Variants in ADAM15 observed in about 807,000 individuals in gnomAD.
ADAM15 encodes ADAM metallopeptidase domain 15, also known as disintegrin and metalloproteinase domain-containing protein 15.
In ADAM15, 77 loss-of-function variants were observed where a neutral mutation model predicts 113.8. That is an observed-to-expected ratio of 0.68 (90% CI 0.56 to 0.82). The LOEUF (loss-of-function observed/expected upper bound fraction) is 0.82. ADAM15 is among the 40% of genes least tolerant of loss of function. The pLI is 0.00. For synonymous variants in ADAM15, 388 were observed against 454.1 expected (o/e 0.85, Z 1.85); for missense variants, 963 against 1,120.1 (o/e 0.86, Z 2.00).
chr1:155,058,707 C>T lies in ADAM15; in HGVS notation c.1918-3C>T. 6.2e-7 allele frequency: 1 copy of T among 1,613,218 alleles called. No homozygotes were observed. The highest frequency in any genetic ancestry group is 2.2e-5 in the East Asian group (1 of 44,840). On this transcript the variant is annotated splice_region_variant and splice_polypyrimidine_tract_variant and intron_variant, in intron 15 of 22. Transcript: ENST00000356955. The surrounding 1 kb of genome is among the most constrained non-coding windows in gnomAD (Gnocchi z 4.3). ...GATCCAGGCTCTTCTCTCCCTGGGT[C>T]AGGTGTGTATAGACCATCGATGCCA...
rs375096214 is a variant in ADAM15, at chr1:155,057,170, C to T, written c.1149-18C>T. ...GGGAGAGGCCCCCAGCCCCAACCTT[C>T]CTTGCCACCCTCCCCAGCTTCCTAC... On this transcript the variant is annotated intron_variant, in intron 11 of 22. Coordinates refer to ENST00000356955, the MANE Select transcript of ADAM15 (RefSeq NM_207197.3). This position sits in a 1 kb window ranked among gnomAD's most constrained non-coding sequence, Gnocchi z 5.0. 2.5e-6 allele frequency: 4 copies of T among 1,603,960 alleles called. No individual in the cohort carries two copies. In the African/African-American group the frequency reaches 5.4e-5, roughly 21 times the overall value.
Position 155,056,174 on chromosome 1 carries a change from C to G in ADAM15, c.839C>G (p.Thr280Ser). The change falls in exon 9 of 23, where the codon ACC becomes AGC. Residue 280 changes from threonine (T) to serine (S), a missense_variant. By Grantham distance (58) the Thr-to-Ser change is moderately conservative. Coordinates refer to ENST00000356955, the MANE Select transcript of ADAM15 (RefSeq NM_207197.3). This position sits in a 1 kb window ranked among gnomAD's most constrained non-coding sequence, Gnocchi z 4.0. ...LVEISPNPAV[T>S]LENFLHWRRA... Reference sequence around the variant, plus strand: ...GAGATCAGCCCAAACCCAGCTGTCACCCTCGAAAACTTCCTCCACTGGCGC... The same window carrying G: ...GAGATCAGCCCAAACCCAGCTGTCAGCCTCGAAAACTTCCTCCACTGGCGC... 6.2e-7 allele frequency: 1 copy of G among 1,614,074 alleles called. No homozygotes were observed. Among genetic ancestry groups the G allele is most frequent in the East Asian group, 2.2e-5 (1 of 44,874 alleles).
At chr1:155,054,996 A>G (rs1299843840) in intron 6 of ADAM15, among the ~76,000 whole-genome samples, 1 of 152,222 alleles carries the variant, frequency 6.6e-6, no homozygotes, top group Non-Finnish European at 1.5e-5. Flanking sequence ...CATCTGTCTT[A>G]TGATCCCATT....
At position 155,062,015 on chromosome 1, in the gene ADAM15, AC is replaced by A; in HGVS notation, c.2424+42del. ...AGAGAAGGGCACGGCCTCTCCCCCCACCTAGGGCTGTGGTGCTGGTAGCCAT... is the reference window on the plus strand; with the variant it reads ...AGAGAAGGGCACGGCCTCTCCCCCCACTAGGGCTGTGGTGCTGGTAGCCAT... On this transcript the variant is annotated intron_variant, in intron 21 of 22. Transcript: ENST00000356955. This position sits in a 1 kb window ranked among gnomAD's most constrained non-coding sequence, Gnocchi z 7.0. 1 of 1,501,694 alleles carries A rather than the reference AC, an allele frequency of 6.7e-7. No individual in the cohort carries two copies. 93.0% of individuals were successfully genotyped at this position (1,501,694 alleles called of 1,614,324 possible). A position where few individuals can be genotyped will look rare whatever the true frequency, so the allele number is the denominator to read the frequency against.
chr1:155,062,113 G>A lies in ADAM15; in HGVS notation c.2425-132G>A. The A allele has an allele frequency of 3.4e-6, 5 of 1,470,240 alleles. No homozygotes were observed. Among genetic ancestry groups the A allele is most frequent in the Non-Finnish European group, 4.5e-6 (5 of 1,113,208 alleles). The allele number at this position is 1,470,240 out of a possible 1,614,324, so 91.1% of individuals were successfully genotyped here. ...ATATCCCGGTGGTGCCTTTAATGGT[G>A]ACAGGTTTGTTTGCAGACAAGGGTG... On this transcript the variant is annotated intron_variant, in intron 21 of 22. Transcript: ENST00000356955. The surrounding 1 kb of genome is among the most constrained non-coding windows in gnomAD (Gnocchi z 7.0).
Position 155,061,402 on chromosome 1 carries a change from C to T in ADAM15, c.2278-13C>T, listed in dbSNP as rs757173789. The T allele has an allele frequency of 1.9e-6, 3 of 1,612,286 alleles. No homozygotes were observed. The highest frequency in any genetic ancestry group is 1.3e-5 in the African/African-American group (1 of 74,886). ...TCCCCCTCTGTGCCTATCTGCCCCT[C>T]CTGCCCTCTCAGCAGGCTAGTGCTC... is the stretch of plus-strand genomic sequence containing the variant. On this transcript the variant is annotated splice_polypyrimidine_tract_variant and intron_variant, in intron 19 of 22. Transcript: ENST00000356955.
In ADAM15 at chr1:155,062,575, C is replaced by T. The variant is rs1662805662; in HGVS notation, c.*73C>T. Reference sequence around the variant, plus strand: ...AGGCGGGCGTGCCCTCTGGAGTCCCCTACCATGACTGAAGGCGCCAGAGAC... The same window carrying T: ...AGGCGGGCGTGCCCTCTGGAGTCCCTTACCATGACTGAAGGCGCCAGAGAC... On this transcript the variant is annotated 3_prime_UTR_variant, in exon 23 of 23. Transcript: ENST00000356955. The surrounding 1 kb of genome is among the most constrained non-coding windows in gnomAD (Gnocchi z 7.0). The T allele has an allele frequency of 1.3e-6, 2 of 1,564,312 alleles. No individual in the cohort carries two copies. Among genetic ancestry groups the T allele is most frequent in the South Asian group, 1.2e-5 (1 of 86,862 alleles).
chr1:155,057,413 T>C lies in ADAM15; in HGVS notation c.1323+51T>C, dbSNP rs1271935231. On this transcript the variant is annotated intron_variant, in intron 12 of 22. Transcript: ENST00000356955. The surrounding 1 kb of genome is among the most constrained non-coding windows in gnomAD (Gnocchi z 5.0). ...CCCACTCACTTCTGTACCCTCACCC[T>C]GGCTCATTAGCCCTATCCCAGCCTC... is the stretch of plus-strand genomic sequence containing the variant. 11 of 1,606,102 alleles carry C rather than the reference T, an allele frequency of 6.8e-6. No individual in the cohort carries two copies. The highest frequency in any genetic ancestry group is 1.3e-5 in the African/African-American group (1 of 74,792).
chr1:155,058,601 C>G lies in ADAM15; in HGVS notation c.1918-109C>G. 6.4e-7 allele frequency: 1 copy of G among 1,554,706 alleles called. No individual in the cohort carries two copies. Among genetic ancestry groups the G allele is most frequent in the Non-Finnish European group, 8.7e-7 (1 of 1,149,914 alleles). Reference sequence around the variant, plus strand: ...GCAAAGTCCTATCAACTCACTATGCCTTGGTTTCCCCATCTGTAAACGCAG... The same window carrying G: ...GCAAAGTCCTATCAACTCACTATGCGTTGGTTTCCCCATCTGTAAACGCAG... On this transcript the variant is annotated intron_variant, in intron 15 of 22. Coordinates refer to ENST00000356955, the MANE Select transcript of ADAM15 (RefSeq NM_207197.3). The surrounding 1 kb of genome is among the most constrained non-coding windows in gnomAD (Gnocchi z 4.3).
Position 155,052,486 on chromosome 1 carries a change from C to A in ADAM15, c.80-185C>A, listed in dbSNP as rs749832776. 41 of 1,534,960 alleles carry A rather than the reference C, an allele frequency of 2.7e-5. 1 individual carries two copies. The South Asian group carries it at 4.1e-4, about 15-fold the overall frequency. On this transcript the variant is annotated intron_variant, in intron 1 of 22. Coordinates refer to ENST00000356955, the MANE Select transcript of ADAM15 (RefSeq NM_207197.3). ...GTGAATGGGTTGGTGGGTGGAAAGC[C>A]ATAAATTAGAGAGACACCCTCTCCT...
chr1:155,051,364 G>T lies in ADAM15; in HGVS notation c.-23G>T, dbSNP rs993645597. On this transcript the variant is annotated 5_prime_UTR_variant, in exon 1 of 23. Transcript: ENST00000356955. ...GCGCTGTTCCGCACTTGCTGCCCTC[G>T]CCCGGCCCGGAGCGCCGCTGCCATG... The T allele has an allele frequency of 2.0e-6, 3 of 1,487,354 alleles. No individual in the cohort carries two copies. In the African/African-American group the frequency reaches 4.4e-5, roughly 22 times the overall value. 92.1% of individuals were successfully genotyped at this position (1,487,354 alleles called of 1,614,324 possible).
chr1:155,062,366 C>A lies in ADAM15; in HGVS notation c.2546C>A (p.Ser849Tyr). Residue 849 changes from serine to tyrosine, a missense_variant, in exon 22 of 23, where the codon TCC (serine) becomes TAC (tyrosine). Coordinates refer to ENST00000356955, the MANE Select transcript of ADAM15 (RefSeq NM_207197.3). This position sits in a 1 kb window ranked among gnomAD's most constrained non-coding sequence, Gnocchi z 7.0. ...GAGIPPLVVP[S>Y]RPAPPPPTVS... ...GGAATCCCGCCCCTAGTGGTACCCT[C>A]CAGGTAGGAGGAGCCCTGGGCATGG... 1 of 1,597,716 alleles carries A rather than the reference C, an allele frequency of 6.3e-7. No homozygotes were observed.
At position 155,056,375 on chromosome 1, in the gene ADAM15, C is replaced by T. The variant is rs765645598; in HGVS notation, c.915-11C>T. 1 of 1,613,980 alleles carries T rather than the reference C, an allele frequency of 6.2e-7. No homozygotes were observed. The highest frequency in any genetic ancestry group is 8.5e-7 in the Non-Finnish European group (1 of 1,179,858). ...CTTCTGGCCCTGAACTTTAGCCTCT[C>T]TGTCCCACAGTGGTACTTCATTCTC... On this transcript the variant is annotated splice_polypyrimidine_tract_variant and intron_variant, in intron 9 of 22. Coordinates refer to ENST00000356955, the MANE Select transcript of ADAM15 (RefSeq NM_207197.3). This position sits in a 1 kb window ranked among gnomAD's most constrained non-coding sequence, Gnocchi z 4.0.
In ADAM15 at chr1:155,062,054, C is replaced by T. The variant is rs766782689; in HGVS notation, c.2424+79C>T. The T allele has an allele frequency of 6.8e-6, 10 of 1,476,912 alleles. No homozygotes were observed. In the South Asian group the frequency reaches 1.2e-4, roughly 17 times the overall value. The allele number at this position is 1,476,912 out of a possible 1,614,324, so 91.5% of individuals were successfully genotyped here. ...TGCTGGTAGCCATGACGGTGGTGGC[C>T]GTGGCGAGATGCCCCCTCAGTGCAT... On this transcript the variant is annotated intron_variant, in intron 21 of 22. Transcript: ENST00000356955. This position sits in a 1 kb window ranked among gnomAD's most constrained non-coding sequence, Gnocchi z 7.0.
chr1:155,060,282 T>C lies in ADAM15; in HGVS notation c.2146T>C (p.Trp716Arg). ...CCTGGTGATGCTTGGTGCCAGCTAC[T>C]GGTACCGTGCCCGCCTGCACCAGCG... ...LVLVMLGASY[W>R]YRARLHQRLC... The change falls in exon 18 of 23, where the codon TGG (tryptophan) becomes CGG (arginine). Residue 716 changes from tryptophan to arginine, a missense_variant. By Grantham distance (101) the Trp-to-Arg change is moderately radical. Coordinates refer to ENST00000356955, the MANE Select transcript of ADAM15 (RefSeq NM_207197.3). 2 of 1,614,058 alleles carry C rather than the reference T, an allele frequency of 1.2e-6. No homozygotes were observed. Among genetic ancestry groups the C allele is most frequent in the Non-Finnish European group, 1.7e-6 (2 of 1,179,990 alleles).
chr1:155,056,870 G>A lies in ADAM15; in HGVS notation c.1000-83G>A. The A allele has an allele frequency of 6.7e-7, 1 of 1,501,654 alleles. No individual in the cohort carries two copies. The highest frequency in any genetic ancestry group is 2.3e-5 in the Admixed American group (1 of 43,202). 93.0% of individuals were successfully genotyped at this position (1,501,654 alleles called of 1,614,324 possible). On this transcript the variant is annotated intron_variant, in intron 10 of 22. Coordinates refer to ENST00000356955, the MANE Select transcript of ADAM15 (RefSeq NM_207197.3). The surrounding 1 kb of genome is among the most constrained non-coding windows in gnomAD (Gnocchi z 4.0). ...AGTGCCCACGAGGTCAGACGTGGAG[G>A]GAACAGGAGCAGAGAGGGTGGTCTG...
In ADAM15 at chr1:155,057,686, G is replaced by C. The variant is rs773932529; in HGVS notation, c.1373G>C (p.Gly458Ala). Residue 458 changes from glycine to alanine, a missense_variant, in exon 13 of 23, where the codon GGT becomes GCT. Physicochemically the swap from Gly to Ala is moderately conservative, Grantham distance 60 (BLOSUM62 0). Coordinates refer to ENST00000356955, the MANE Select transcript of ADAM15 (RefSeq NM_207197.3). The surrounding 1 kb of genome is among the most constrained non-coding windows in gnomAD (Gnocchi z 5.0). ...CDSLTCQLRPGAQCASDGPCC... is the reference protein window; with the variant it reads ...CDSLTCQLRPAAQCASDGPCC... ...TCTTTGACCTGCCAGCTGAGGCCAG[G>C]TGCACAGTGTGCATCTGACGGACCC... 1.1e-5 allele frequency: 17 copies of C among 1,614,066 alleles called. No individual in the cohort carries two copies. In the South Asian group the frequency reaches 1.6e-4, roughly 16 times the overall value.
chr1:155,054,006 G>T lies in ADAM15; in HGVS notation c.342+18G>T. On this transcript the variant is annotated intron_variant, in intron 4 of 22. Coordinates refer to ENST00000356955, the MANE Select transcript of ADAM15 (RefSeq NM_207197.3). ...ACACTTTGGTGAGTCAGGCCCTCTT[G>T]TGCCATTTTTGGCTTAGGGGAAAGA... The T allele has an allele frequency of 6.2e-7, 1 of 1,614,070 alleles. No homozygotes were observed. Among genetic ancestry groups the T allele is most frequent in the African/African-American group, 1.3e-5 (1 of 75,026 alleles).
intron 16 of ADAM15, among the ~76,000 whole-genome samples, chr1:155,059,638 C>CTAAAA (rs1302919148): frequency 2.6e-5 from 4 of 151,938 alleles, no homozygotes; most frequent in South Asian, 2.1e-4. Context: ...TACTTGCTGT[C>CTAAAA]TAAAATAAAA....
Sources: gnomAD v4.1 joint callset for allele counts (sites outside exome capture counted in the v4.1 genomes callset) on GRCh38, gnomAD v4.1.1 for gene constraint, Gnocchi (gnomAD v3.1) non-coding constraint, MANE v1.5 for transcripts, NCBI Gene and HGNC (gene_info 2026-07-23, HGNC 2026-07-21) for gene names.